The following CTNNA2 variants were observed in gnomAD, a reference collection of about 807,000 sequenced individuals.
CTNNA2 encodes the protein catenin alpha 2, also known as catenin alpha-2.
A neutral mutation model predicts 101.0 loss-of-function variants in CTNNA2; 42 were observed. The ratio of observed to expected loss-of-function variants is 0.42; its 90% CI spans 0.32 to 0.54. The LOEUF is 0.54. CTNNA2 is among the 20% of genes least tolerant of loss of function. CTNNA2 has a pLI of 0.14. For missense variants in CTNNA2, 871 were observed against 1,223.1 expected, an observed-to-expected ratio of 0.71 and a Z score of 4.29; for synonymous variants, 450 against 456.4, an observed-to-expected ratio of 0.99 and a Z score of 0.18.
chr2:80,160,390 G>T (rs903904066), intron 7 of CTNNA2, among the ~76,000 whole-genome samples: 1 of 152,142 alleles, frequency 6.6e-6, no homozygotes, highest in African/African-American at 2.4e-5. Context: ...AATTTGGGTA[G>T]AATTGATGTC....
At chr2:80,160,386 G>C (rs1180973118) in intron 7 of CTNNA2, among the ~76,000 whole-genome samples, 3 of 151,998 alleles carry the variant, frequency 2.0e-5, no homozygotes, top group Non-Finnish European at 4.4e-5. Flanking sequence ...TATCAATTTG[G>C]GTAGAATTGA....
At chr2:79,206,772 G>C (rs1674105512) in intron 2 of CTNNA2, among the ~76,000 whole-genome samples, 1 of 152,088 alleles carries the variant, frequency 6.6e-6, no homozygotes, top group South Asian at 2.1e-4. Flanking sequence ...GTCTCTTTTA[G>C]CATTCATCTC....
chr2:80,146,559 A>C (rs1023648322), intron 7 of CTNNA2, among the ~76,000 whole-genome samples: 1 of 151,968 alleles, frequency 6.6e-6, no homozygotes, highest in Non-Finnish European at 1.5e-5. Flanking sequence ...CCATTCCCCA[A>C]AACTTACCCA....
chr2:80,465,204 C>T (rs1474346443), intron 9 of CTNNA2, among the ~76,000 whole-genome samples: 1 of 152,130 alleles, frequency 6.6e-6, no homozygotes, highest in Non-Finnish European at 1.5e-5. Context: ...TTTCAACCTC[C>T]TGCTCCAATT....
chr2:80,605,791 T>C (rs536622703), intron 16 of CTNNA2: 4 of 152,050 alleles, frequency 2.6e-5, no homozygotes, highest in African/African-American at 7.2e-5. Flanking sequence ...ATCCAAGAAA[T>C]TTTTTTAACT....
chr2:79,384,741 C>G (rs1017516444), intron 4 of CTNNA2, among the ~76,000 whole-genome samples: 3 of 152,114 alleles, frequency 2.0e-5, no homozygotes, highest in African/African-American at 4.8e-5. Flanking sequence ...GAAACTCTTT[C>G]TTCCTTACTC....
At chr2:79,984,331 G>A (rs933720367) in intron 7 of CTNNA2, among the ~76,000 whole-genome samples, 3 of 152,152 alleles carry the variant, frequency 2.0e-5, no homozygotes, top group Non-Finnish European at 4.4e-5. Flanking sequence ...TCTGAGAAGA[G>A]AGAAAAGAGT....
chr2:79,786,212 A>C (rs1201770767), intron 3 of CTNNA2, among the ~76,000 whole-genome samples: 2 of 152,296 alleles, frequency 1.3e-5, no homozygotes, highest in Admixed American at 6.5e-5. Context: ...AGAAAAGCAG[A>C]ATAAAGAATA....
intron 7 of CTNNA2, among the ~76,000 whole-genome samples, chr2:80,260,269 G>C (rs1423578931): frequency 1.3e-5 from 2 of 152,162 alleles, no homozygotes; most frequent in East Asian, 3.9e-4. Context: ...CTGGAAGATT[G>C]ATGTTCTTCC....
intron 7 of CTNNA2, among the ~76,000 whole-genome samples, chr2:80,266,967 G>C (rs1274541615): frequency 6.6e-6 from 1 of 152,154 alleles, no homozygotes; most frequent in East Asian, 1.9e-4. Flanking sequence ...TCTGCATCTA[G>C]AATGGTGTTA....
At chr2:80,620,252 C>T (rs904180783) in intron 18 of CTNNA2, among the ~76,000 whole-genome samples, 17 of 147,932 alleles carry the variant, frequency 1.1e-4, no homozygotes, top group Admixed American at 8.1e-4. Flanking sequence ...GGTATCATCC[C>T]TTTTTTTTTT....
At chr2:79,679,503 C>A (rs932895329) in intron 2 of CTNNA2, among the ~76,000 whole-genome samples, 4 of 151,990 alleles carry the variant, frequency 2.6e-5, no homozygotes, top group Non-Finnish European at 4.4e-5. Context: ...GCTCTGGAGT[C>A]TCTGCCCTGT....
upstream of CTNNA2, among the ~76,000 whole-genome samples, chr2:79,511,487 G>A (rs933674191): frequency 3.3e-5 from 5 of 152,184 alleles, no homozygotes; most frequent in African/African-American, 1.2e-4. Context: ...GGCAGTCTAA[G>A]AAAAACGCTA....
chr2:79,309,041 T>C (rs1676308631), intron 2 of CTNNA2, among the ~76,000 whole-genome samples: 1 of 152,122 alleles, frequency 6.6e-6, no homozygotes, highest in South Asian at 2.1e-4. Flanking sequence ...GTTTTATATA[T>C]ATGAGTATAT....
chr2:79,374,160 ACAG>A (rs557352140), intron 4 of CTNNA2: 11 of 155,354 alleles, frequency 7.1e-5, no homozygotes, highest in Middle Eastern at 6.2e-4. Context: ...ACCAGCAACA[ACAG>A]CAGCAGCAGC....
intron 9 of CTNNA2, among the ~76,000 whole-genome samples, chr2:80,501,314 CT>C (rs1278935794): frequency 5.3e-5 from 8 of 152,186 alleles, no homozygotes; most frequent in African/African-American, 1.9e-4. Flanking sequence ...CACCGTAACT[CT>C]TTTCTTCTGA....
chr2:79,688,870 C>T (rs1308326012), intron 2 of CTNNA2, among the ~76,000 whole-genome samples: 2 of 151,968 alleles, frequency 1.3e-5, no homozygotes, highest in Non-Finnish European at 2.9e-5. Context: ...TGTTCTGAAA[C>T]TATTTTCTAT....
chr2:80,623,968 TAAGA>T (rs1425387358), intron 18 of CTNNA2, among the ~76,000 whole-genome samples: 4 of 143,486 alleles, frequency 2.8e-5, no homozygotes, highest in African/African-American at 4.9e-5. Context: ...GCATGAGAAC[TAAGA>T]AAGATGGTTA....
At chr2:79,233,665 T>A (rs1442538500) in intron 2 of CTNNA2, among the ~76,000 whole-genome samples, 1 of 152,134 alleles carries the variant, frequency 6.6e-6, no homozygotes, top group Non-Finnish European at 1.5e-5. Flanking sequence ...AGTCCCCCAC[T>A]ATTATTGTGT....
Sources: gnomAD v4.1 joint callset for allele counts (sites outside exome capture counted in the v4.1 genomes callset) on GRCh38, gnomAD v4.1.1 for gene constraint, MANE v1.5 for transcripts, NCBI Gene and HGNC (gene_info 2026-07-23, HGNC 2026-07-21) for gene names.